The following BMPR1B variants were observed in gnomAD, a reference collection of about 807,000 sequenced individuals.
The protein encoded by BMPR1B is bone morphogenetic protein receptor type 1B.
Under a neutral mutation model 59.1 loss-of-function variants are expected in BMPR1B, and 12 were observed. The ratio of observed to expected loss-of-function variants is 0.20; its 90% CI spans 0.13 to 0.33. BMPR1B has a LOEUF of 0.33. Among genes scored for constraint, BMPR1B ranks in the 10% least tolerant of loss-of-function variants. The probability of loss-of-function intolerance (pLI) is 1.00; values close to 1 mark genes in which losing one functional copy is unlikely to be tolerated. For missense variants in BMPR1B, 550 were observed against 610.9 expected (o/e 0.90, Z 1.05); for synonymous variants, 237 against 207.3 (o/e 1.14, Z -1.23).
chr4:94,809,573 A>G (rs1369744478), intron 1 of BMPR1B, among the ~76,000 whole-genome samples: 1 of 152,214 alleles, frequency 6.6e-6, no homozygotes, highest in African/African-American at 2.4e-5. Context: ...TTTCTTCTTT[A>G]GTACTAAATA....
At chr4:94,791,717 A>T (rs1722994541) in intron 1 of BMPR1B, among the ~76,000 whole-genome samples, 1 of 152,194 alleles carries the variant, frequency 6.6e-6, no homozygotes, top group African/African-American at 2.4e-5. Flanking sequence ...TAAATGTGTT[A>T]GGAAAAACTA....
rs141772881 is a variant in BMPR1B, at chr4:95,051,389, G to A, written c.-17-53019G>A. 3.0e-3 allele frequency among the ~76,000 whole-genome samples: 455 copies of A among 152,262 alleles called. 4 individuals are homozygous for A. The highest frequency in any genetic ancestry group is 0.01 in the African/African-American group (432 of 41,538). On this transcript the variant is annotated intron_variant, in intron 3 of 12. Coordinates refer to ENST00000515059, the MANE Select transcript of BMPR1B (RefSeq NM_001203.3). ...TTTGGGGGACATGGGTATTGCCAGC[G>A]CAGAGTGAAGCCCCGGCGTGTGCTA...
At chr4:95,083,493 G>C (rs912784729) in intron 3 of BMPR1B, among the ~76,000 whole-genome samples, 4 of 151,970 alleles carry the variant, frequency 2.6e-5, no homozygotes, top group Non-Finnish European at 4.4e-5. Flanking sequence ...ATTTAAAAAG[G>C]GTGTGTGTGT....
At chr4:94,758,175 G>A (rs1390474062) in intron 1 of BMPR1B, 107 bp downstream of exon 1, 2 of 151,296 alleles carry the variant, frequency 1.3e-5, no homozygotes, top group Non-Finnish European at 2.9e-5. Flanking sequence ...GGCGGCGCGG[G>A]ACGGGTAGCG....
intron 3 of BMPR1B, among the ~76,000 whole-genome samples, chr4:95,066,652 A>G (rs1196726963): frequency 6.6e-6 from 1 of 152,312 alleles, no homozygotes; most frequent in East Asian, 1.9e-4. Flanking sequence ...AAAAGCCAGA[A>G]TTTGACTAGA....
At chr4:94,782,645 A>AT (rs1471292737) in intron 1 of BMPR1B, among the ~76,000 whole-genome samples, 7 of 152,130 alleles carry the variant, frequency 4.6e-5, no homozygotes, top group Admixed American at 4.6e-4. Context: ...AATTTGAAAA[A>AT]TTTTTATCTC....
At chr4:95,028,923 A>G (rs1171335627) in intron 3 of BMPR1B, among the ~76,000 whole-genome samples, 1 of 152,036 alleles carries the variant, frequency 6.6e-6, no homozygotes, top group Non-Finnish European at 1.5e-5. Flanking sequence ...AAGAAATTTA[A>G]AAGTAAAATG....
chr4:95,127,733 T>A (rs1366079707), intron 8 of BMPR1B, among the ~76,000 whole-genome samples: 1 of 152,104 alleles, frequency 6.6e-6, no homozygotes, highest in East Asian at 1.9e-4. Flanking sequence ...ACGGCTGCAT[T>A]ACACATAAAC....
intron 2 of BMPR1B, among the ~76,000 whole-genome samples, chr4:94,986,646 G>A (rs1560581199): frequency 6.6e-6 from 1 of 152,032 alleles, no homozygotes; most frequent in Non-Finnish European, 1.5e-5. Flanking sequence ...CATTTTATAT[G>A]TGAACCAAAC....
At chr4:95,093,321 GTAA>G in intron 3 of BMPR1B, among the ~76,000 whole-genome samples, 1 of 152,176 alleles carries the variant, frequency 6.6e-6, no homozygotes, top group East Asian at 1.9e-4. Flanking sequence ...CAAAAGCAGA[GTAA>G]AACCTAAGGG....
chr4:95,046,735 CCTTT>C (rs1182199320), intron 3 of BMPR1B, among the ~76,000 whole-genome samples: 3 of 152,128 alleles, frequency 2.0e-5, no homozygotes, highest in Non-Finnish European at 4.4e-5. Flanking sequence ...CAAATGGAGA[CCTTT>C]CTTTTAATCT....
chr4:94,776,091 A>G (rs1722357133), intron 1 of BMPR1B, among the ~76,000 whole-genome samples: 1 of 102,974 alleles, frequency 9.7e-6, no homozygotes, highest in Non-Finnish European at 2.1e-5. Flanking sequence ...ACTTGTCTCA[A>G]AAAAAGAAAA....
intron 2 of BMPR1B, among the ~76,000 whole-genome samples, chr4:94,982,849 A>G (rs1429790924): frequency 6.6e-6 from 1 of 151,874 alleles, no homozygotes; most frequent in African/African-American, 2.4e-5. Context: ...GCCAGGTGTG[A>G]TGGTGGGCGC....
intron 3 of BMPR1B, among the ~76,000 whole-genome samples, chr4:95,095,827 CT>C (rs1401313093): frequency 6.6e-6 from 1 of 151,798 alleles, no homozygotes; most frequent in Non-Finnish European, 1.5e-5. Context: ...TTTTGATACC[CT>C]TTTGACTATG....
At chr4:94,937,034 T>C (rs1216921835) in intron 2 of BMPR1B, among the ~76,000 whole-genome samples, 2 of 152,116 alleles carry the variant, frequency 1.3e-5, no homozygotes, top group Non-Finnish European at 2.9e-5. Flanking sequence ...GCATGTAGCG[T>C]CCTCCAGCTT....
intron 1 of BMPR1B, among the ~76,000 whole-genome samples, chr4:94,799,315 T>C (rs1723313589): frequency 6.6e-6 from 1 of 151,350 alleles, no homozygotes; most frequent in Non-Finnish European, 1.5e-5. Context: ...TTTTTTTTTT[T>C]TTCCTGGAGA....
At chr4:95,121,170 C>G (rs1407592578) in intron 6 of BMPR1B, among the ~76,000 whole-genome samples, 1 of 152,138 alleles carries the variant, frequency 6.6e-6, no homozygotes, top group East Asian at 1.9e-4. Flanking sequence ...GAACACACTC[C>G]CATTTACAAT....
At chr4:94,849,872 G>T (rs10005450) in intron 1 of BMPR1B, among the ~76,000 whole-genome samples, 93,801 of 151,362 alleles carry the variant, frequency 0.62, 30,201 homozygotes, top group African/African-American at 0.8. Flanking sequence ...GAGAAGGTGC[G>T]CTTAGAAACC....
chr4:94,879,416 C>T (rs1252981836), intron 2 of BMPR1B, among the ~76,000 whole-genome samples: 2 of 152,094 alleles, frequency 1.3e-5, no homozygotes, highest in African/African-American at 4.8e-5. Context: ...GCCTAGGCAA[C>T]ATGGCTAGAC....
Sources: allele counts gnomAD v4.1 joint callset (sites outside exome capture counted in the v4.1 genomes callset), GRCh38; gene constraint gnomAD v4.1.1; transcripts MANE v1.5; gene names NCBI Gene and HGNC (gene_info 2026-07-23, HGNC 2026-07-21).